The following GFM2 variants were observed in gnomAD, a reference collection of about 807,000 sequenced individuals.
GFM2 encodes ribosome-releasing factor 2, mitochondrial.
GFM2 carries 72 observed loss-of-function variants against 95.4 expected under a neutral mutation model. The observed-to-expected ratio is 0.76, with a 90% CI of 0.62 to 0.92. The LOEUF (loss-of-function observed/expected upper bound fraction) is 0.92. GFM2 is among the 40% of genes least tolerant of loss of function. The probability of loss-of-function intolerance (pLI) is 0.00; values close to 1 mark genes in which losing one functional copy is unlikely to be tolerated. For synonymous variants in GFM2, 276 were observed against 317.5 expected, an observed-to-expected ratio of 0.87 and a Z score of 1.39; for missense variants, 825 against 924.1, an observed-to-expected ratio of 0.89 and a Z score of 1.39.
intron 17 of GFM2, among the ~76,000 whole-genome samples, chr5:74,729,123 T>C (rs764204866): frequency 2.2e-4 from 33 of 152,176 alleles, no homozygotes; most frequent in Non-Finnish European, 4.6e-4. Context: ...CTTGGGATAC[T>C]ACCAAGCCAT....
Position 74,733,058 on chromosome 5 carries a change from G to A in GFM2, c.1551C>T (p.Pro517=), listed in dbSNP as rs1288562295. 2 of 1,612,526 alleles carry A rather than the reference G, an allele frequency of 1.2e-6. No homozygotes were observed. The highest frequency in any genetic ancestry group is 1.3e-5 in the African/African-American group (1 of 74,860). Residue 517 remains proline (P), a synonymous_variant, in exon 16 of 21, where the codon CCC becomes CCT. Coordinates refer to ENST00000296805, the MANE Select transcript of GFM2 (RefSeq NM_032380.5). ...HALKCLQRED[P]SLKVRLDPDS... Reference sequence around the variant, plus strand: ...CAGGATCTAGCCTCACTTTCAAACTGGGATCTTCACGCTGAAGACATTTCA... The same window carrying A: ...CAGGATCTAGCCTCACTTTCAAACTAGGATCTTCACGCTGAAGACATTTCA...
At chr5:74,751,578 C>G (rs1422847325) in intron 5 of GFM2, 85 bp from the exon 6 acceptor site, 2 of 931,594 alleles carry the variant, frequency 2.1e-6, no homozygotes, top group Non-Finnish European at 3.2e-6. Flanking sequence ...ACAGTTTAAC[C>G]TGCCTTAAGA....
At chr5:74,738,811 A>G (rs1742971671) in intron 12 of GFM2, among the ~76,000 whole-genome samples, 169 bp from the exon 13 acceptor site, 1 of 152,080 alleles carries the variant, frequency 6.6e-6, no homozygotes. Flanking sequence ...AAATTACTCA[A>G]TGGAGATCTT....
At chr5:74,749,897 T>C (rs1222174969) in intron 7 of GFM2, among the ~76,000 whole-genome samples, 2 of 152,220 alleles carry the variant, frequency 1.3e-5, no homozygotes, top group African/African-American at 2.4e-5. Flanking sequence ...GATATTTTTC[T>C]TCTAGAAGCT....
rs536069279 is a variant in GFM2, at chr5:74,746,118, G to A, written c.656C>T (p.Pro219Leu). ...ESIREKLKAKPLLLQLPIGEA... is the reference protein window; with the variant it reads ...ESIREKLKAKLLLLQLPIGEA... ...TAACCAATTTACCTGTAAAAGCAAA[G>A]GCTTTGCCTTTAACTTCTCTCTGAT... The change falls in exon 9 of 21, where the codon CCT becomes CTT. Residue 219 changes from proline to leucine, a missense_variant. Coordinates refer to ENST00000296805, the MANE Select transcript of GFM2 (RefSeq NM_032380.5). 1 of 1,551,538 alleles carries A rather than the reference G, an allele frequency of 6.4e-7. No homozygotes were observed. Among genetic ancestry groups the A allele is most frequent in the African/African-American group, 1.4e-5 (1 of 71,934 alleles).
chr5:74,737,118 C>G (rs1451392517), intron 14 of GFM2, 133 bp from the exon 15 acceptor site: 7 of 787,378 alleles, frequency 8.9e-6, no homozygotes, highest in Non-Finnish European at 1.4e-5. Flanking sequence ...AAATAAAATT[C>G]AAAAAGCTCA....
In GFM2 at chr5:74,726,187, T is replaced by C; in HGVS notation, c.1727-61A>G. 5 of 1,250,986 alleles carry C rather than the reference T, an allele frequency of 4.0e-6. 1 individual carries two copies. In the East Asian group the frequency reaches 9.4e-5, roughly 24 times the overall value. The allele number at this position is 1,250,986 out of a possible 1,614,324, so 77.5% of individuals were successfully genotyped here. A position where few individuals can be genotyped will look rare whatever the true frequency, so the allele number is the denominator to read the frequency against. On this transcript the variant is annotated intron_variant, in intron 17 of 20. Coordinates refer to ENST00000296805, the MANE Select transcript of GFM2 (RefSeq NM_032380.5). ...ATTCTGGAAAGGTATCAAGGTACTA[T>C]AAACAGCAAAATTATCATCAACAAG...
intron 16 of GFM2, among the ~76,000 whole-genome samples, chr5:74,732,184 C>T (rs960307166): frequency 1.3e-4 from 17 of 133,342 alleles, no homozygotes; most frequent in African/African-American, 4.1e-4. Flanking sequence ...GTTGCCCAGG[C>T]TGGTCTTGAA....
At chr5:74,728,505 G>A (rs1750251877) in intron 17 of GFM2, among the ~76,000 whole-genome samples, 1 of 152,116 alleles carries the variant, frequency 6.6e-6, no homozygotes, top group Non-Finnish European at 1.5e-5. Context: ...TAATCCATGT[G>A]TAAGTGTACC....
At chr5:74,754,567 A>T (rs562611486) in intron 5 of GFM2, among the ~76,000 whole-genome samples, 2 of 152,192 alleles carry the variant, frequency 1.3e-5, no homozygotes, top group South Asian at 4.1e-4. Context: ...AACTGTTCTT[A>T]TATCAGACAA....
chr5:74,752,508 A>G (rs893932703), intron 5 of GFM2, among the ~76,000 whole-genome samples: 1 of 152,212 alleles, frequency 6.6e-6, no homozygotes, highest in Non-Finnish European at 1.5e-5. Context: ...GTTAATATCT[A>G]TAATTGTATT....
intron 11 of GFM2, 127 bp from the exon 12 acceptor site, chr5:74,740,264 G>A (rs1743049571): frequency 4.7e-6 from 3 of 636,190 alleles, no homozygotes; most frequent in Non-Finnish European, 7.8e-6. Context: ...TCATTTTGTT[G>A]GCTTAGTTTT....
intron 17 of GFM2, among the ~76,000 whole-genome samples, chr5:74,726,937 T>C (rs1297752462): frequency 5.3e-5 from 8 of 152,076 alleles, no homozygotes; most frequent in Admixed American, 5.2e-4. Context: ...GAAGCCAAAG[T>C]GGGAGGATTA....
intron 5 of GFM2, among the ~76,000 whole-genome samples, chr5:74,757,245 T>C (rs1231125454): frequency 1.3e-5 from 2 of 152,098 alleles, no homozygotes; most frequent in Admixed American, 6.6e-5. Flanking sequence ...GAACATTCTA[T>C]GTGGGTTCTA....
In GFM2 at chr5:74,721,796, AT is replaced by A. The variant is rs1349107695; in HGVS notation, c.2212-14del. The stretch of plus-strand genomic sequence containing the variant: ...CAGTTGAATAACCCTAATCAAAATA[AT>A]TTAAGTCATTTATATTATCAAATTT... On this transcript the variant is annotated splice_polypyrimidine_tract_variant and intron_variant, in intron 20 of 20. Transcript: ENST00000296805. The A allele has an allele frequency of 6.3e-7, 1 of 1,594,306 alleles. No homozygotes were observed. Among genetic ancestry groups the A allele is most frequent in the Middle Eastern group, 1.7e-4 (1 of 5,942 alleles).
At position 74,751,379 on chromosome 5, in the gene GFM2, A is replaced by G; in HGVS notation, c.419T>C (p.Ile140Thr). 6.2e-7 allele frequency: 1 copy of G among 1,613,178 alleles called. No individual in the cohort carries two copies. Among genetic ancestry groups the G allele is most frequent in the African/African-American group, 1.3e-5 (1 of 75,000 alleles). Residue 140 changes from isoleucine to threonine, a missense_variant, in exon 6 of 21, where the codon ATT (isoleucine) becomes ACT (threonine). Coordinates refer to ENST00000296805, the MANE Select transcript of GFM2 (RefSeq NM_032380.5). Reference sequence around the variant, plus strand: ...GAATCGTACCATACCTGGTGTATCAATTAGATTGACTCTATAACCTTTCCA... The same window carrying G: ...GAATCGTACCATACCTGGTGTATCAGTTAGATTGACTCTATAACCTTTCCA... ...FDWKGYRVNL[I>T]DTPGHVDFTL...
In GFM2 at chr5:74,756,694, C is replaced by T. The variant is rs535516250; in HGVS notation, c.304+2155G>A. The stretch of plus-strand genomic sequence containing the variant: ...ATATATATACACACACATATACACA[C>T]CATGGAATACTACTCAGTCATAAAA... On this transcript the variant is annotated intron_variant, in intron 5 of 20. Transcript: ENST00000296805. Among the ~76,000 whole-genome samples the T allele has an allele frequency of 3.9e-5, 6 of 151,904 alleles. No homozygotes were observed. In the South Asian group the frequency reaches 1.2e-3, roughly 32 times the overall value.
chr5:74,733,114 C>A lies in GFM2; in HGVS notation c.1511-16G>T. 1 of 1,552,134 alleles carries A rather than the reference C, an allele frequency of 6.4e-7. No homozygotes were observed. Among genetic ancestry groups the A allele is most frequent in the Non-Finnish European group, 8.9e-7 (1 of 1,123,842 alleles). On this transcript the variant is annotated splice_polypyrimidine_tract_variant and intron_variant, in intron 15 of 20. Transcript: ENST00000296805. ...TGTTCCAAATCTATGGGATAAACAACTGTTATCTTTACATTTCATTTTTTA... is the reference window on the plus strand; with the variant it reads ...TGTTCCAAATCTATGGGATAAACAAATGTTATCTTTACATTTCATTTTTTA...
chr5:74,748,490 C>T (rs1205870125), intron 7 of GFM2, among the ~76,000 whole-genome samples: 1 of 152,148 alleles, frequency 6.6e-6, no homozygotes, highest in Admixed American at 6.5e-5. Flanking sequence ...AATAGCATGG[C>T]TTCTTTGGCT....
Sources: allele counts gnomAD v4.1 joint callset (sites outside exome capture counted in the v4.1 genomes callset), GRCh38; gene constraint gnomAD v4.1.1; transcripts MANE v1.5; gene names NCBI Gene and HGNC (gene_info 2026-07-23, HGNC 2026-07-21).